Variants in BRINP3 observed in about 807,000 individuals in gnomAD.
BRINP3 encodes BMP/retinoic acid-inducible neural-specific protein 3.
In BRINP3, 19 loss-of-function variants were observed where a neutral mutation model predicts 71.0. The observed-to-expected ratio is 0.27, with a 90% confidence interval of 0.19 to 0.39. The LOEUF is 0.39. Among genes scored for constraint, BRINP3 ranks in the 10% least tolerant of loss-of-function variants. The pLI is 1.00. For missense variants in BRINP3, 959 were observed against 940.8 expected (o/e 1.02, Z -0.25); for synonymous variants, 380 against 337.7 (o/e 1.13, Z -1.37).
chr1:190,220,784 C>T (rs1656815516), intron 6 of BRINP3, among the ~76,000 whole-genome samples: 1 of 152,038 alleles, frequency 6.6e-6, no homozygotes, highest in African/African-American at 2.4e-5. Flanking sequence ...AAAGGAAGCT[C>T]TTCAGTCTGA....
At chr1:190,291,718 G>A (rs1663883186) in intron 2 of BRINP3, among the ~76,000 whole-genome samples, 1 of 152,214 alleles carries the variant, frequency 6.6e-6, no homozygotes, top group Admixed American at 6.5e-5. Flanking sequence ...AACGTAAATT[G>A]AAACAGCCAT....
chr1:190,313,594 C>T (rs188033962), intron 2 of BRINP3, among the ~76,000 whole-genome samples: 49 of 152,048 alleles, frequency 3.2e-4, no homozygotes, highest in Admixed American at 1.4e-3. Context: ...TTTATTCTTA[C>T]AACATCATCA....
chr1:190,203,421 G>GTATATA lies in BRINP3; in HGVS notation c.961+22655_961+22660dup, dbSNP rs369786185. Among the ~76,000 whole-genome samples, 347 of 144,868 alleles carry GTATATA rather than the reference G, an allele frequency of 2.4e-3. 1 individual carries two copies. The highest frequency in any genetic ancestry group is 8.5e-3 in the African/African-American group (337 of 39,540). On this transcript the variant is annotated intron_variant, in intron 6 of 7. Transcript: ENST00000367462. ...CAAATATATATATGTATGTGTGTGT[G>GTATATA]TATATATATATATATATGTATGTGT... is the stretch of plus-strand genomic sequence containing the variant.
At chr1:190,161,613 G>A (rs1418124036) in intron 6 of BRINP3, among the ~76,000 whole-genome samples, 2 of 151,858 alleles carry the variant, frequency 1.3e-5, no homozygotes, top group East Asian at 1.9e-4. Context: ...CAACTGTCTC[G>A]TTTAACCAAC....
intron 5 of BRINP3, among the ~76,000 whole-genome samples, chr1:190,232,123 A>C (rs1308593602): frequency 6.6e-6 from 1 of 152,028 alleles, no homozygotes; most frequent in Non-Finnish European, 1.5e-5. Flanking sequence ...ATATCTATTT[A>C]TCTATCATCT....
chr1:190,361,533 G>T (rs1032290206), intron 2 of BRINP3, among the ~76,000 whole-genome samples: 1 of 152,016 alleles, frequency 6.6e-6, no homozygotes, highest in Non-Finnish European at 1.5e-5. Flanking sequence ...CTCCTGAGTA[G>T]CTGGGACTAC....
At chr1:190,276,065 C>T (rs936642524) in intron 3 of BRINP3, among the ~76,000 whole-genome samples, 16 of 151,278 alleles carry the variant, frequency 1.1e-4, no homozygotes, top group African/African-American at 3.4e-4. Flanking sequence ...GTACAGCAGT[C>T]CTTTTCTCCC....
intron 6 of BRINP3, among the ~76,000 whole-genome samples, chr1:190,185,156 G>T (rs944346227): frequency 2.0e-5 from 3 of 151,996 alleles, no homozygotes; most frequent in Non-Finnish European, 4.4e-5. Context: ...ATAATCAACA[G>T]ACTGAAAATG....
chr1:190,453,954 T>C (rs904731471), intron 2 of BRINP3, among the ~76,000 whole-genome samples: 15 of 152,196 alleles, frequency 9.9e-5, no homozygotes, highest in Non-Finnish European at 1.3e-4. Context: ...ATCAATATAA[T>C]CTAATCCATC....
chr1:190,416,048 T>C (rs971153076), intron 2 of BRINP3, among the ~76,000 whole-genome samples: 34 of 152,332 alleles, frequency 2.2e-4, no homozygotes, highest in African/African-American at 7.5e-4. Flanking sequence ...AAATACATTT[T>C]GGTCCCCCTT....
chr1:190,289,917 T>C (rs1210248396), intron 2 of BRINP3, among the ~76,000 whole-genome samples: 1 of 152,062 alleles, frequency 6.6e-6, no homozygotes, highest in African/African-American at 2.4e-5. Context: ...CATGTAGATG[T>C]GAATTATTTT....
intron 7 of BRINP3, among the ~76,000 whole-genome samples, chr1:190,121,214 C>CTACTG (rs574863975): frequency 3.2e-4 from 49 of 152,150 alleles, no homozygotes; most frequent in African/African-American, 9.4e-4. Flanking sequence ...CAGACTGCCA[C>CTACTG]TACTGTACTG....
At position 190,256,139 on chromosome 1, in the gene BRINP3, G is replaced by T. The variant is rs1571532274; in HGVS notation, c.618+8726C>A. Among the ~76,000 whole-genome samples, 3 of 152,162 alleles carry T rather than the reference G, an allele frequency of 2.0e-5. No individual in the cohort carries two copies. In the East Asian group the frequency reaches 5.8e-4, roughly 29 times the overall value. On this transcript the variant is annotated intron_variant, in intron 4 of 7. Coordinates refer to ENST00000367462, the MANE Select transcript of BRINP3 (RefSeq NM_199051.3). Reference sequence around the variant, plus strand: ...TGCACTGTGGTCTGAGAGACAGTTTGTTGTGATTTCTGTTCTTTTCCATTT... The same window carrying T: ...TGCACTGTGGTCTGAGAGACAGTTTTTTGTGATTTCTGTTCTTTTCCATTT...
intron 7 of BRINP3, among the ~76,000 whole-genome samples, chr1:190,101,186 G>A (rs1366499044): frequency 6.6e-6 from 1 of 152,098 alleles, no homozygotes; most frequent in African/African-American, 2.4e-5. Context: ...GCATGAAGTG[G>A]ACTAAGATAA....
In BRINP3 at chr1:190,160,770, C is replaced by A; in HGVS notation, c.1082G>T (p.Ser361Ile). 2 of 1,613,586 alleles carry A rather than the reference C, an allele frequency of 1.2e-6. No individual in the cohort carries two copies. Among genetic ancestry groups the A allele is most frequent in the Non-Finnish European group, 8.5e-7 (1 of 1,179,682 alleles). The change falls in exon 7 of 8, where the codon AGC becomes ATC. Residue 361 changes from serine to isoleucine, a missense_variant. By Grantham distance (142) the Ser-to-Ile change is moderately radical. Coordinates refer to ENST00000367462, the MANE Select transcript of BRINP3 (RefSeq NM_199051.3). ...FQRRYEQLEN[S>I]MKQLFLKAQK... ...CGCCTTTAGGAAAAGTTGTTTCATG[C>A]TGTTCTCCAGTTGTTCATAACGGCG...
chr1:190,376,772 G>A (rs899508005), intron 2 of BRINP3, among the ~76,000 whole-genome samples: 4 of 151,998 alleles, frequency 2.6e-5, no homozygotes, highest in East Asian at 1.9e-4. Flanking sequence ...AAGTTCTGCC[G>A]ATGTTAATTG....
chr1:190,411,573 T>G, intron 2 of BRINP3, among the ~76,000 whole-genome samples: 1 of 152,242 alleles, frequency 6.6e-6, no homozygotes, highest in East Asian at 1.9e-4. Context: ...GTAAATTGAA[T>G]TTTTTTAAAT....
At chr1:190,176,096 C>G (rs1276061384) in intron 6 of BRINP3, among the ~76,000 whole-genome samples, 1 of 152,128 alleles carries the variant, frequency 6.6e-6, no homozygotes, top group Non-Finnish European at 1.5e-5. Flanking sequence ...CACCATATAA[C>G]AACAAGAAAG....
intron 1 of BRINP3, among the ~76,000 whole-genome samples, chr1:190,457,362 C>A (rs990466585): frequency 6.6e-6 from 1 of 151,980 alleles, no homozygotes; most frequent in African/African-American, 2.4e-5. Flanking sequence ...GAGAATTTCT[C>A]GAACCTGGGA....
Sources: allele counts gnomAD v4.1 joint callset (sites outside exome capture counted in the v4.1 genomes callset), GRCh38; gene constraint gnomAD v4.1.1; transcripts MANE v1.5; gene names NCBI Gene and HGNC (gene_info 2026-07-23, HGNC 2026-07-21).